WFDC3: variants seen among roughly 807,000 people sequenced by gnomAD.
WFDC3 encodes the protein WAP four-disulfide core domain 3.
WFDC3 carries 15 observed loss-of-function variants against 25.8 expected under a neutral mutation model. The observed-to-expected ratio is 0.58, with a 90% confidence interval of 0.39 to 0.89. WFDC3 has a LOEUF of 0.89. Ranked by LOEUF, WFDC3 falls within the 40% of genes least tolerant of loss-of-function variation. The pLI, the probability that WFDC3 is intolerant of heterozygous loss-of-function variation, is 0.00. For missense variants in WFDC3, 264 were observed against 289.8 expected (o/e 0.91, Z 0.65); for synonymous variants, 103 against 107.1 (o/e 0.96, Z 0.24).
At chr20:45,789,132 C>G in intron 2 of WFDC3, 73 bp from the exon 3 acceptor site, 2 of 1,576,342 alleles carry the variant, frequency 1.3e-6, no homozygotes, top group South Asian at 2.3e-5. Context: ...TTCAGCCCCT[C>G]CAGGCATCTC....
At chr20:45,791,083 A>G in intron 1 of WFDC3, 1 of 371,334 alleles carries the variant, frequency 2.7e-6, no homozygotes, top group South Asian at 2.0e-5. Flanking sequence ...AAAAGTTTGG[A>G]GCCAGGAAGT....
chr20:45,774,534 C>A (rs1157758473), intron 6 of WFDC3, 90 bp from the exon 7 acceptor site: 1 of 1,576,774 alleles, frequency 6.3e-7, no homozygotes, highest in African/African-American at 1.4e-5. Flanking sequence ...AAAGCTTGGC[C>A]TATATTGCTC....
At chr20:45,781,037 C>G (rs1185114965) in intron 4 of WFDC3, among the ~76,000 whole-genome samples, 1 of 136,648 alleles carries the variant, frequency 7.3e-6, no homozygotes, top group Non-Finnish European at 1.5e-5. Context: ...GTCAGGAGTT[C>G]AAAACCAATC....
chr20:45,777,221 A>G lies in WFDC3; in HGVS notation c.359-12T>C, dbSNP rs760853474. ...ACCACCAAACTCTGCTACATAATCA[A>G]AGCATTGGAGCCCAGAGACGCTCAC... is the stretch of plus-strand genomic sequence containing the variant. On this transcript the variant is annotated splice_polypyrimidine_tract_variant and intron_variant, in intron 4 of 6. Transcript: ENST00000243938. 15 of 1,515,712 alleles carry G rather than the reference A, an allele frequency of 9.9e-6. No individual in the cohort carries two copies. In the Admixed American group the frequency reaches 3.3e-4, roughly 34 times the overall value. The allele number at this position is 1,515,712 out of a possible 1,614,324, so 93.9% of individuals were successfully genotyped here.
In WFDC3 at chr20:45,781,554, A is replaced by G. The variant is rs554814247; in HGVS notation, c.359-4345T>C. Among the ~76,000 whole-genome samples, 23 of 152,334 alleles carry G rather than the reference A, an allele frequency of 1.5e-4. No homozygotes were observed. The South Asian group carries it at 4.3e-3, about 29-fold the overall frequency. The stretch of plus-strand genomic sequence containing the variant: ...ATCATCAAAGGGAAAAGTCCAGAGG[A>G]AATCAGGTGCTGATTTTCAAGAGTC... On this transcript the variant is annotated intron_variant, in intron 4 of 6. Coordinates refer to ENST00000243938, the MANE Select transcript of WFDC3 (RefSeq NM_080614.2).
At chr20:45,781,277 A>ATCAT (rs1555813227) in intron 4 of WFDC3, among the ~76,000 whole-genome samples, 11 of 152,132 alleles carry the variant, frequency 7.2e-5, no homozygotes, top group African/African-American at 2.4e-4. Flanking sequence ...ACACACACAC[A>ATCAT]CATCATCATG....
chr20:45,786,756 C>T (rs1980683299), intron 4 of WFDC3, among the ~76,000 whole-genome samples: 1 of 152,030 alleles, frequency 6.6e-6, no homozygotes, highest in Non-Finnish European at 1.5e-5. Flanking sequence ...AATCTGTTTC[C>T]CACAGGAGAC....
At chr20:45,789,814 G>A (rs1428318848) in intron 2 of WFDC3, 80 bp downstream of exon 2, 58 of 1,306,342 alleles carry the variant, frequency 4.4e-5, no homozygotes, top group Non-Finnish European at 6.4e-5. Context: ...CCTTGCTCTG[G>A]GAGAAGGCAG....
Position 45,777,064 on chromosome 20 carries a change from A to G in WFDC3, c.493+11T>C. 1.2e-6 allele frequency: 2 copies of G among 1,612,326 alleles called. No homozygotes were observed. The highest frequency in any genetic ancestry group is 1.7e-6 in the Non-Finnish European group (2 of 1,179,628). On this transcript the variant is annotated intron_variant, in intron 5 of 6. Transcript: ENST00000243938. ...ACACTCAAGGATTTCTTCCCAAAAG[A>G]GCCAACATACCTCCCTCAATGTCTC...
At chr20:45,778,851 G>T (rs1395585644) in intron 4 of WFDC3, 1 of 76,448 alleles carries the variant, frequency 1.3e-5, no homozygotes, top group Non-Finnish European at 3.0e-5. Flanking sequence ...AAATGTAAAT[G>T]TAAAAAAAAA....
At chr20:45,781,377 T>C (rs922128096) in intron 4 of WFDC3, among the ~76,000 whole-genome samples, 23 of 152,112 alleles carry the variant, frequency 1.5e-4, no homozygotes, top group African/African-American at 5.3e-4. Context: ...GATCCAGTGG[T>C]AGATAGTTTT....
intron 4 of WFDC3, among the ~76,000 whole-genome samples, chr20:45,787,284 T>TTC (rs1980719912): frequency 1.0e-5 from 1 of 98,774 alleles, no homozygotes; most frequent in African/African-American, 4.2e-5. Flanking sequence ...TCTTTTTTCT[T>TTC]TTTTTTTTTT....
At chr20:45,774,569 C>T (rs1980047548) in intron 6 of WFDC3, 125 bp from the exon 7 acceptor site, 2 of 1,262,250 alleles carry the variant, frequency 1.6e-6, no homozygotes, top group Admixed American at 4.1e-5. Context: ...TAGCTCCTTG[C>T]TTCCCAGACA....
intron 3 of WFDC3, chr20:45,788,608 C>A: frequency 4.8e-6 from 1 of 209,122 alleles, no homozygotes. Flanking sequence ...TTAAAAAGGT[C>A]TGCTTGGCTC....
intron 5 of WFDC3, among the ~76,000 whole-genome samples, chr20:45,776,635 A>AATAT (rs71181857): frequency 6.5e-5 from 6 of 92,938 alleles, no homozygotes; most frequent in African/African-American, 1.2e-4. Context: ...AAAAAAAAAA[A>AATAT]ATATATATAT....
At position 45,791,572 on chromosome 20, in the gene WFDC3, C is replaced by T. The variant is rs563613022; in HGVS notation, c.-8+260G>A. Among the ~76,000 whole-genome samples the T allele has an allele frequency of 5.3e-5, 8 of 152,290 alleles. No homozygotes were observed. In the South Asian group the frequency reaches 1.7e-3, roughly 32 times the overall value. ...TCGGCCTCCCAAAGTGCTGGGATTA[C>T]AGGCGTGAGCCACCGCCCCTGGCCG... On this transcript the variant is annotated intron_variant, in intron 1 of 6. Coordinates refer to ENST00000243938, the MANE Select transcript of WFDC3 (RefSeq NM_080614.2).
chr20:45,779,809 T>C (rs1432702004), intron 4 of WFDC3: 2 of 152,210 alleles, frequency 1.3e-5, no homozygotes, highest in Admixed American at 6.5e-5. Flanking sequence ...TGCTACTCTC[T>C]GCCCTCGTCC....
At chr20:45,791,180 T>TTG (rs1165343390) in intron 1 of WFDC3, among the ~76,000 whole-genome samples, 159 of 123,818 alleles carry the variant, frequency 1.3e-3, no homozygotes, top group African/African-American at 6.8e-3. Context: ...ATGCTTTTTT[T>TTG]TTTTTTTTTT....
intron 4 of WFDC3, among the ~76,000 whole-genome samples, chr20:45,786,056 T>C (rs1363498343): frequency 6.6e-6 from 1 of 152,168 alleles, no homozygotes; most frequent in Non-Finnish European, 1.5e-5. Flanking sequence ...GCTCTCCAGG[T>C]TGCAGCTTAA....
Sources: gnomAD v4.1 joint callset for allele counts (sites outside exome capture counted in the v4.1 genomes callset) on GRCh38, gnomAD v4.1.1 for gene constraint, MANE v1.5 for transcripts, NCBI Gene and HGNC (gene_info 2026-07-23, HGNC 2026-07-21) for gene names.